Variants in MGAT4D observed in about 807,000 individuals in gnomAD.
The protein encoded by MGAT4D is alpha-1,3-mannosyl-glycoprotein 4-beta-N-acetylglucosaminyltransferase-like protein MGAT4D.
A neutral mutation model predicts 15.9 loss-of-function variants in MGAT4D; 34 were observed. The observed-to-expected ratio is 2.14, with a 90% CI of 1.62 to 2.84. The LOEUF is 2.84. Among genes scored for constraint, MGAT4D ranks in the 30% most tolerant of loss-of-function variants. The pLI is 0.00. For missense variants in MGAT4D, 327 were observed against 140.2 expected, an observed-to-expected ratio of 2.33 and a Z score of -6.73; for synonymous variants, 112 against 48.2, an observed-to-expected ratio of 2.33 and a Z score of -5.49.
intron 5 of MGAT4D, among the ~76,000 whole-genome samples, chr4:140,471,556 T>C (rs1167845915): frequency 6.6e-6 from 1 of 152,084 alleles, no homozygotes; most frequent in Non-Finnish European, 1.5e-5. Context: ...CAGTATAACA[T>C]GAAAAATATA....
chr4:140,482,617 T>C (rs1437370820), intron 1 of MGAT4D, 132 bp from the exon 2 acceptor site: 2 of 417,642 alleles, frequency 4.8e-6, no homozygotes, highest in African/African-American at 4.1e-5. Flanking sequence ...TATATGTGTA[T>C]ATATACAGTA....
At chr4:140,445,309 T>A (rs1578625803) in intron 10 of MGAT4D, among the ~76,000 whole-genome samples, 1 of 152,340 alleles carries the variant, frequency 6.6e-6, no homozygotes, top group East Asian at 1.9e-4. Context: ...CATATGCTTC[T>A]TGGCTGCATG....
At chr4:140,454,014 G>A (rs1345706077) in intron 9 of MGAT4D, among the ~76,000 whole-genome samples, 1 of 98,890 alleles carries the variant, frequency 1.0e-5, no homozygotes, top group African/African-American at 3.7e-5. Flanking sequence ...TAGGATGTAT[G>A]TGTGTGTGTG....
At chr4:140,443,470 A>C (rs1315864482) in intron 10 of MGAT4D, 26 bp from the exon 11 acceptor site, 8 of 524,728 alleles carry the variant, frequency 1.5e-5, no homozygotes, top group Non-Finnish European at 2.7e-5. Flanking sequence ...AAAATGTAAC[A>C]TCTAGAAATA....
At chr4:140,489,224 T>C (rs935557344) in intron 1 of MGAT4D, among the ~76,000 whole-genome samples, 24 of 152,256 alleles carry the variant, frequency 1.6e-4, no homozygotes, top group African/African-American at 5.3e-4. Context: ...TCTAAGGTAA[T>C]TACTAGAAGA....
intron 1 of MGAT4D, among the ~76,000 whole-genome samples, chr4:140,485,944 A>G (rs1346716280): frequency 6.6e-6 from 1 of 150,944 alleles, no homozygotes; most frequent in African/African-American, 2.4e-5. Context: ...TGTGGCAAAA[A>G]TTGGATAATT....
chr4:140,497,147 C>T (rs994572300), intron 1 of MGAT4D, among the ~76,000 whole-genome samples: 4 of 152,130 alleles, frequency 2.6e-5, no homozygotes, highest in Admixed American at 2.6e-4. Context: ...CAAACTTCAA[C>T]CTCAGCACTC....
intron 2 of MGAT4D, among the ~76,000 whole-genome samples, chr4:140,480,176 G>C (rs1732606667): frequency 1.3e-5 from 2 of 152,088 alleles, no homozygotes; most frequent in South Asian, 4.1e-4. Flanking sequence ...ATAGAATACA[G>C]AAGTAGGTTC....
intron 10 of MGAT4D, among the ~76,000 whole-genome samples, chr4:140,444,992 T>C (rs1200598655): frequency 6.6e-6 from 1 of 152,018 alleles, no homozygotes; most frequent in African/African-American, 2.4e-5. Context: ...AGCAATTCTC[T>C]GGCCTTGGCC....
intron 1 of MGAT4D, among the ~76,000 whole-genome samples, chr4:140,483,099 T>G (rs1251675130): frequency 6.6e-6 from 1 of 152,190 alleles, no homozygotes; most frequent in African/African-American, 2.4e-5. Flanking sequence ...TTAATTTTTA[T>G]TTGCCTCTGC....
chr4:140,468,799 C>A (rs747647644), intron 5 of MGAT4D, among the ~76,000 whole-genome samples: 1 of 152,116 alleles, frequency 6.6e-6, no homozygotes. Context: ...TCCTTCACTG[C>A]CAATGAATCC....
intron 9 of MGAT4D, among the ~76,000 whole-genome samples, chr4:140,454,840 G>A (rs912174100): frequency 6.6e-5 from 10 of 152,104 alleles, no homozygotes; most frequent in African/African-American, 1.9e-4. Context: ...ATTTTTGGTG[G>A]ATTTCATTTT....
chr4:140,459,511 C>A lies in MGAT4D; in HGVS notation c.877+1G>T. 2 of 473,418 alleles carry A rather than the reference C, an allele frequency of 4.2e-6. No homozygotes were observed. Among genetic ancestry groups the A allele is most frequent in the Admixed American group, 4.2e-5 (1 of 24,000 alleles). 29.3% of individuals were successfully genotyped at this position (473,418 alleles called of 1,614,324 possible). On this transcript the variant is annotated splice_donor_variant, in intron 8 of 10. Coordinates refer to ENST00000511113, the MANE Select transcript of MGAT4D (RefSeq NM_001277353.2). LOFTEE classifies it high-confidence loss of function. The stretch of plus-strand genomic sequence containing the variant: ...TCCAACAAAGTAAATCCATTGCTTA[C>A]CTATGAATCCAAGCATTGAAAACTC...
At chr4:140,447,912 C>T (rs145153425) in intron 10 of MGAT4D, among the ~76,000 whole-genome samples, 26 of 152,304 alleles carry the variant, frequency 1.7e-4, no homozygotes, top group Non-Finnish European at 2.9e-4. Flanking sequence ...GTAATGAATT[C>T]TCTCAGCATT....
intron 1 of MGAT4D, among the ~76,000 whole-genome samples, chr4:140,484,320 C>T (rs930739542): frequency 6.6e-6 from 1 of 152,032 alleles, no homozygotes; most frequent in East Asian, 1.9e-4. Context: ...CAGCAAAATG[C>T]AAATTAAAAC....
At chr4:140,470,540 C>A (rs549725179) in intron 5 of MGAT4D, among the ~76,000 whole-genome samples, 1 of 152,320 alleles carries the variant, frequency 6.6e-6, no homozygotes, top group South Asian at 2.1e-4. Flanking sequence ...GGTGCATAGG[C>A]CCTGCGTGAT....
At chr4:140,461,606 A>T (rs1731179035) in intron 7 of MGAT4D, among the ~76,000 whole-genome samples, 1 of 152,156 alleles carries the variant, frequency 6.6e-6, no homozygotes, top group Non-Finnish European at 1.5e-5. Context: ...TAAGCCAAGA[A>T]ATAAATATAG....
At position 140,482,393 on chromosome 4, in the gene MGAT4D, T is replaced by C; in HGVS notation, c.187A>G (p.Met63Val). ...RNKTEKNTQE[M>V]MKVLNRMKYE... is the part of the protein sequence containing the mutation. ...TTCATTCGATTCAAAACTTTCATCATCTCTTGGGTATTTTTTTCAGTTTTG... is the reference window on the plus strand; with the variant it reads ...TTCATTCGATTCAAAACTTTCATCACCTCTTGGGTATTTTTTTCAGTTTTG... Residue 63 changes from methionine (M) to valine (V), a missense_variant, in exon 2 of 11, where the codon ATG becomes GTG. Physicochemically the swap from Met to Val is conservative, Grantham distance 21 (BLOSUM62 1). Transcript: ENST00000511113. 1 of 652,518 alleles carries C rather than the reference T, an allele frequency of 1.5e-6. No homozygotes were observed. The highest frequency in any genetic ancestry group is 2.6e-5 in the Admixed American group (1 of 38,908). 40.4% of individuals were successfully genotyped at this position (652,518 alleles called of 1,614,324 possible).
At chr4:140,497,592 G>A (rs1733919009) in intron 1 of MGAT4D, among the ~76,000 whole-genome samples, 1 of 152,208 alleles carries the variant, frequency 6.6e-6, no homozygotes, top group Admixed American at 6.5e-5. Context: ...CAGGCGCTGG[G>A]CCGGCGCTGT....
Sources: allele counts gnomAD v4.1 joint callset (sites outside exome capture counted in the v4.1 genomes callset), GRCh38; gene constraint gnomAD v4.1.1; transcripts MANE v1.5; gene names NCBI Gene and HGNC (gene_info 2026-07-23, HGNC 2026-07-21).